GRIN2B: variants seen among roughly 807,000 people sequenced by gnomAD.
GRIN2B encodes glutamate receptor ionotropic, NMDA 2B.
GRIN2B carries 5 observed loss-of-function variants against 114.5 expected under a neutral mutation model. The observed-to-expected ratio is 0.04, with a 90% CI of 0.02 to 0.09. GRIN2B has a LOEUF of 0.09. GRIN2B is among the 10% of genes least tolerant of loss of function. The pLI is 1.00. For missense variants in GRIN2B, 1,108 were observed against 1,943.5 expected (o/e 0.57, Z 8.08); for synonymous variants, 787 against 745.1 (o/e 1.06, Z -0.92).
intron 10 of GRIN2B, among the ~76,000 whole-genome samples, chr12:13,590,454 G>A (rs1948992410): frequency 6.6e-6 from 1 of 151,994 alleles, no homozygotes. Flanking sequence ...TGTTCTCATT[G>A]CTTAATTCCT....
At position 13,564,946 on chromosome 12, in the gene GRIN2B, G is replaced by C. The variant is rs569068260; in HGVS notation, c.2599-307C>G. On this transcript the variant is annotated intron_variant, in intron 13 of 13. Coordinates refer to ENST00000609686, the MANE Select transcript of GRIN2B (RefSeq NM_000834.5). The surrounding 1 kb of genome is among the most constrained non-coding windows in gnomAD (Gnocchi z 4.8). ...GCATTTTTGCCTCAGCTTCACTGTT[G>C]ACTTACCGTGGTTTTCTATGCCTAG... 8.5e-5 allele frequency among the ~76,000 whole-genome samples: 13 copies of C among 152,302 alleles called. No homozygotes were observed. The East Asian group carries it at 2.1e-3, about 25-fold the overall frequency.
At chr12:13,748,117 G>T (rs145906740) in intron 4 of GRIN2B, among the ~76,000 whole-genome samples, 74 of 152,318 alleles carry the variant, frequency 4.9e-4, no homozygotes, top group African/African-American at 1.7e-3. Flanking sequence ...TTTTAAGATG[G>T]CAACTTTCAC....
chr12:13,564,600 G>A lies in GRIN2B; in HGVS notation c.2638C>T (p.Arg880Cys), dbSNP rs1180122833. 3.1e-6 allele frequency: 5 copies of A among 1,613,890 alleles called. No homozygotes were observed. Among genetic ancestry groups the A allele is most frequent in the South Asian group, 1.1e-5 (1 of 91,078 alleles). ...GTGGGGGAGTTCATTACAGACTGGC[G>A]CTCCTCGATCGCCACCCCATGGATG... ...SCIHGVAIEE[R>C]QSVMNSPTAT... is the part of the protein sequence containing the mutation. The change falls in exon 14 of 14, where the codon CGC (arginine) becomes TGC (cysteine). Residue 880 changes from arginine (R) to cysteine (C), a missense_variant. By Grantham distance (180) the Arg-to-Cys change is radical. Transcript: ENST00000609686. This position sits in a 1 kb window ranked among gnomAD's most constrained non-coding sequence, Gnocchi z 4.8.
rs375629078 is a variant in GRIN2B at position 13,760,032 on chromosome 12, C to G, written c.412-6117G>C. Among the ~76,000 whole-genome samples the G allele has an allele frequency of 2.6e-5, 4 of 152,344 alleles. No individual in the cohort carries two copies. The East Asian group carries it at 5.8e-4, about 22-fold the overall frequency. The stretch of plus-strand genomic sequence containing the variant: ...CACGTCTTTGCTAAAATCTTGCCTT[C>G]CCAACAAAGTGCTCTCAATCCTGAC... On this transcript the variant is annotated intron_variant, in intron 3 of 13. Coordinates refer to ENST00000609686, the MANE Select transcript of GRIN2B (RefSeq NM_000834.5).
At chr12:13,693,124 A>T (rs570784168) in intron 4 of GRIN2B, among the ~76,000 whole-genome samples, 1 of 152,088 alleles carries the variant, frequency 6.6e-6, no homozygotes, top group South Asian at 2.1e-4. Context: ...TTAATATTAG[A>T]AGTGTGTTAG....
At chr12:13,971,684 G>GT (rs559698322) in intron 2 of GRIN2B, among the ~76,000 whole-genome samples, 3 of 152,142 alleles carry the variant, frequency 2.0e-5, no homozygotes, top group South Asian at 2.1e-4. Context: ...CCGAAATGAG[G>GT]TTTTTTCTCC....
chr12:13,931,316 T>A (rs1867026849), intron 2 of GRIN2B, among the ~76,000 whole-genome samples: 1 of 152,188 alleles, frequency 6.6e-6, no homozygotes, highest in African/African-American at 2.4e-5. Flanking sequence ...TCTCTCATCT[T>A]CCTCTGTCAT....
At chr12:13,892,140 A>C (rs1006685645) in intron 2 of GRIN2B, among the ~76,000 whole-genome samples, 5 of 152,220 alleles carry the variant, frequency 3.3e-5, no homozygotes, top group African/African-American at 1.2e-4. Context: ...CTCATGAATA[A>C]ATAACTGTTG....
chr12:13,846,041 T>C (rs1341106198), intron 3 of GRIN2B, among the ~76,000 whole-genome samples: 3 of 152,230 alleles, frequency 2.0e-5, no homozygotes, highest in Middle Eastern at 3.2e-3. Context: ...TCTCTTCTCA[T>C]GGACATCATA....
rs1176923009 is a variant in GRIN2B at position 13,556,782 on chromosome 12, A to C, written c.*6001T>G. ...TCAGTTCTTTCAGGAGCCCTTAACCACATAATCACCCCAGCAATTATATTC... is the reference window on the plus strand; with the variant it reads ...TCAGTTCTTTCAGGAGCCCTTAACCCCATAATCACCCCAGCAATTATATTC... On this transcript the variant is annotated 3_prime_UTR_variant, in exon 14 of 14. Transcript: ENST00000609686. The C allele has an allele frequency of 6.6e-6, 1 of 152,176 alleles. No individual in the cohort carries two copies. Among genetic ancestry groups the C allele is most frequent in the Non-Finnish European group, 1.5e-5 (1 of 68,050 alleles). The allele number at this position is 152,176 out of a possible 1,614,324, so 9.4% of individuals were successfully genotyped here. A position where few individuals can be genotyped will look rare whatever the true frequency, so the allele number is the denominator to read the frequency against.
chr12:13,675,633 C>T (rs1950066176), intron 5 of GRIN2B, 112 bp downstream of exon 5: 2 of 758,230 alleles, frequency 2.6e-6, no homozygotes, highest in Non-Finnish European at 4.9e-6. Context: ...GTATTGATCC[C>T]TTGCTCCACA....
intron 5 of GRIN2B, among the ~76,000 whole-genome samples, chr12:13,636,312 G>A (rs1565484480): frequency 6.6e-6 from 1 of 152,176 alleles, no homozygotes; most frequent in Non-Finnish European, 1.5e-5. Flanking sequence ...GGTGAGATAG[G>A]GAGGACACAG....
At chr12:13,617,011 T>C (rs1949452807) in intron 5 of GRIN2B, among the ~76,000 whole-genome samples, 1 of 152,200 alleles carries the variant, frequency 6.6e-6, no homozygotes, top group Admixed American at 6.5e-5. Context: ...CTTGCAGCGC[T>C]GTGTAGTAAG....
intron 3 of GRIN2B, among the ~76,000 whole-genome samples, chr12:13,775,362 T>C (rs937502191): frequency 1.3e-5 from 2 of 152,202 alleles, no homozygotes; most frequent in Non-Finnish European, 2.9e-5. Context: ...CTGTTTATTT[T>C]AGGCAAGTTA....
intron 5 of GRIN2B, among the ~76,000 whole-genome samples, chr12:13,674,327 T>A (rs1282675779): frequency 2.0e-5 from 3 of 152,118 alleles, no homozygotes; most frequent in Non-Finnish European, 4.4e-5. Context: ...ACCACTGCAC[T>A]CTAGTCTGAG....
In GRIN2B at chr12:13,562,747, C is replaced by T. The variant is rs746822162; in HGVS notation, c.*36G>A. On this transcript the variant is annotated 3_prime_UTR_variant, in exon 14 of 14. Coordinates refer to ENST00000609686, the MANE Select transcript of GRIN2B (RefSeq NM_000834.5). ...CGCATCACGCGACCCACAGCCTTACCCTCCCGTACCCACCTTAACCTCTCT... is the reference window on the plus strand; with the variant it reads ...CGCATCACGCGACCCACAGCCTTACTCTCCCGTACCCACCTTAACCTCTCT... 4 of 1,567,860 alleles carry T rather than the reference C, an allele frequency of 2.6e-6. No individual in the cohort carries two copies. Among genetic ancestry groups the T allele is most frequent in the South Asian group, 1.1e-5 (1 of 90,176 alleles).
chr12:13,641,955 A>G lies in GRIN2B; in HGVS notation c.1126-25298T>C, dbSNP rs1395619417. The stretch of plus-strand genomic sequence containing the variant: ...GTAATCCCAGAACTTTGGGAGGCAA[A>G]GGCAGGTGGATCACCTGAGGTCAGG... On this transcript the variant is annotated intron_variant, in intron 5 of 13. Transcript: ENST00000609686. 2.0e-5 allele frequency among the ~76,000 whole-genome samples: 3 copies of G among 152,290 alleles called. No homozygotes were observed. The East Asian group carries it at 5.8e-4, about 29-fold the overall frequency.
intron 2 of GRIN2B, among the ~76,000 whole-genome samples, chr12:13,890,904 G>A (rs1189315685): frequency 6.6e-6 from 1 of 152,164 alleles, no homozygotes; most frequent in Admixed American, 6.5e-5. Flanking sequence ...AGGCTGCAAA[G>A]TCCAGTGGGC....
At chr12:13,587,667 G>C (rs1948947837) in intron 10 of GRIN2B, among the ~76,000 whole-genome samples, 1 of 152,114 alleles carries the variant, frequency 6.6e-6, no homozygotes, top group African/African-American at 2.4e-5. Flanking sequence ...ATTTTCAGAA[G>C]AACAACTTCG....
Sources: allele counts gnomAD v4.1 joint callset (sites outside exome capture counted in the v4.1 genomes callset), GRCh38; gene constraint gnomAD v4.1.1; non-coding constraint Gnocchi (gnomAD v3.1); transcripts MANE v1.5; gene names NCBI Gene and HGNC (gene_info 2026-07-23, HGNC 2026-07-21).